Variants in SH3D19 observed in about 807,000 individuals in gnomAD.
SH3D19 encodes SH3 domain containing 19.
Under a neutral mutation model 112.1 loss-of-function variants are expected in SH3D19, and 58 were observed. That is an observed-to-expected ratio of 0.52 (90% CI 0.42 to 0.64). The LOEUF (loss-of-function observed/expected upper bound fraction) is 0.64, where lower values mean the gene tolerates loss of function less well. Among genes scored for constraint, SH3D19 ranks in the 30% least tolerant of loss-of-function variants. SH3D19 has a pLI of 0.00. For missense variants in SH3D19, 1,090 were observed against 1,263.4 expected (o/e 0.86, Z 2.08); for synonymous variants, 391 against 448.5 (o/e 0.87, Z 1.62).
intron 1 of SH3D19, among the ~76,000 whole-genome samples, chr4:151,296,032 C>G (rs1580436123): frequency 1.7e-5 from 1 of 57,484 alleles, no homozygotes; most frequent in East Asian, 3.6e-4. Context: ...AAGGCTCCGT[C>G]TCAAAAAAAA....
rs967140419 is a variant in SH3D19, at chr4:151,121,483, T to C, written c.*608A>G. 1.3e-5 allele frequency: 2 copies of C among 152,544 alleles called. No homozygotes were observed. The highest frequency in any genetic ancestry group is 4.8e-5 in the African/African-American group (2 of 41,448). The allele number at this position is 152,544 out of a possible 1,614,324, so 9.4% of individuals were successfully genotyped here. On this transcript the variant is annotated 3_prime_UTR_variant, in exon 20 of 20. Coordinates refer to ENST00000604030, the MANE Select transcript of SH3D19 (RefSeq NM_001378122.1). ...GACCCCCTTCAAATCCTTAGACAAA[T>C]GGGAATCACTTGGTAACATAAAGAT...
At chr4:151,255,270 C>A (rs368146317) in intron 1 of SH3D19, among the ~76,000 whole-genome samples, 4 of 143,032 alleles carry the variant, frequency 2.8e-5, no homozygotes, top group Admixed American at 2.1e-4. Context: ...ACTTCTCAGA[C>A]GGGGCGGTTG....
intron 17 of SH3D19, among the ~76,000 whole-genome samples, chr4:151,130,668 G>A (rs1449276027): frequency 1.3e-5 from 2 of 152,122 alleles, no homozygotes; most frequent in Non-Finnish European, 2.9e-5. Flanking sequence ...AAGGCCAGGC[G>A]CAGTGGCTCA....
chr4:151,150,931 G>A (rs1754941475), intron 9 of SH3D19, among the ~76,000 whole-genome samples: 1 of 151,072 alleles, frequency 6.6e-6, no homozygotes, highest in Admixed American at 6.6e-5. Context: ...TCTGTTTTTT[G>A]GAGGGGGAAA....
intron 2 of SH3D19, among the ~76,000 whole-genome samples, chr4:151,194,077 G>C (rs574048262): frequency 7.2e-6 from 1 of 139,290 alleles, no homozygotes; most frequent in Non-Finnish European, 1.5e-5. Context: ...CCAGGCTGGA[G>C]TGCAGTGGCA....
In SH3D19 at chr4:151,174,876, G is replaced by A. The variant is rs1419724335; in HGVS notation, c.1328C>T (p.Pro443Leu). 3 of 1,610,182 alleles carry A rather than the reference G, an allele frequency of 1.9e-6. No individual in the cohort carries two copies. Among genetic ancestry groups the A allele is most frequent in the Non-Finnish European group, 2.5e-6 (3 of 1,177,782 alleles). Residue 443 changes from proline to leucine, a missense_variant, in exon 7 of 20, where the codon CCT (proline) becomes CTT (leucine). Physicochemically the swap from Pro to Leu is moderately conservative, Grantham distance 98. Coordinates refer to ENST00000604030, the MANE Select transcript of SH3D19 (RefSeq NM_001378122.1). Reference protein sequence around the residue: ...NPTYPSAPLKPVTVPPRLAGA... With the variant: ...NPTYPSAPLKLVTVPPRLAGA... ...TGCGAGTCGGGGAGGAACAGTGACA[G>A]GTTTCAGTGGAGCTGAAGGGTAGGT...
chr4:151,231,769 T>C (rs935208248), intron 1 of SH3D19, among the ~76,000 whole-genome samples: 2 of 152,176 alleles, frequency 1.3e-5, no homozygotes, highest in African/African-American at 4.8e-5. Flanking sequence ...TACAGCACTA[T>C]CAATAGTGAC....
chr4:151,165,724 T>C, intron 7 of SH3D19, 28 bp from the exon 8 acceptor site: 1 of 1,592,822 alleles, frequency 6.3e-7, no homozygotes, highest in Middle Eastern at 1.7e-4. Flanking sequence ...TTATTTTGCA[T>C]GTTTTAGTTA....
chr4:151,226,066 G>C lies in SH3D19; in HGVS notation c.133C>G (p.Pro45Ala). Residue 45 changes from proline (P) to alanine (A), a missense_variant, in exon 2 of 20, where the codon CCA (proline) becomes GCA (alanine). By Grantham distance (27) the Pro-to-Ala change is conservative. Coordinates refer to ENST00000604030, the MANE Select transcript of SH3D19 (RefSeq NM_001378122.1). ...SAADRNERNK[P>A]EHRSSSQGPL... ...TCATACCTTGAAGAACGATGTTCTG[G>C]TTTATTTCGTTCGTTGCGATCTGTA... 3 of 1,231,542 alleles carry C rather than the reference G, an allele frequency of 2.4e-6. No individual in the cohort carries two copies. Among genetic ancestry groups the C allele is most frequent in the Non-Finnish European group, 3.0e-6 (3 of 987,518 alleles). 76.3% of individuals were successfully genotyped at this position (1,231,542 alleles called of 1,614,324 possible).
intron 9 of SH3D19, among the ~76,000 whole-genome samples, chr4:151,153,127 C>A (rs1755383150): frequency 6.6e-6 from 1 of 151,998 alleles, no homozygotes; most frequent in Non-Finnish European, 1.5e-5. Flanking sequence ...AACCACCATG[C>A]CCAGCTGCTA....
intron 7 of SH3D19, among the ~76,000 whole-genome samples, chr4:151,167,871 G>A (rs868299576): frequency 2.0e-5 from 3 of 150,612 alleles, no homozygotes; most frequent in Non-Finnish European, 3.0e-5. Flanking sequence ...AGTGAGGAGC[G>A]CCTCTTACCG....
intron 7 of SH3D19, 64 bp from the exon 8 acceptor site, chr4:151,165,760 T>C: frequency 7.2e-7 from 1 of 1,388,790 alleles, no homozygotes; most frequent in East Asian, 2.3e-5. Context: ...AAAAACCTCA[T>C]TCATAATTTA....
rs1386894214 is a variant in SH3D19, at chr4:151,133,002, A to G, written c.2689+32T>C. ...TTATTTGGTTTATTTGAATTAGGAC[A>G]TAACATAATAAAAAAAATTCTCTAT... On this transcript the variant is annotated intron_variant, in intron 16 of 19. Coordinates refer to ENST00000604030, the MANE Select transcript of SH3D19 (RefSeq NM_001378122.1). 4 of 1,552,990 alleles carry G rather than the reference A, an allele frequency of 2.6e-6. No homozygotes were observed. The East Asian group carries it at 9.1e-5, about 35-fold the overall frequency.
At position 151,183,211 on chromosome 4, in the gene SH3D19, C is replaced by T. The variant is rs180771830; in HGVS notation, c.194-3814G>A. On this transcript the variant is annotated intron_variant, in intron 3 of 19. Coordinates refer to ENST00000604030, the MANE Select transcript of SH3D19 (RefSeq NM_001378122.1). Reference sequence around the variant, plus strand: ...TTCACCATGTTGGTCAGGCTGGTGTCGAATTCCTGACCTCAGGTGATCCGC... The same window carrying T: ...TTCACCATGTTGGTCAGGCTGGTGTTGAATTCCTGACCTCAGGTGATCCGC... Among the ~76,000 whole-genome samples the T allele has an allele frequency of 2.3e-3, 347 of 152,068 alleles. 2 individuals carry two copies. The highest frequency in any genetic ancestry group is 2.5e-3 in the Non-Finnish European group (169 of 67,976).
chr4:151,197,400 G>A lies in SH3D19; in HGVS notation c.153-9937C>T, dbSNP rs186455175. Among the ~76,000 whole-genome samples, 11 of 152,270 alleles carry A rather than the reference G, an allele frequency of 7.2e-5. No individual in the cohort carries two copies. The East Asian group carries it at 1.2e-3, about 16-fold the overall frequency. ...AATTCGTCAGAAGGGATAGTTGCAC[G>A]GCATGGGTGTCTAATATCTACTGAT... On this transcript the variant is annotated intron_variant, in intron 2 of 19. Coordinates refer to ENST00000604030, the MANE Select transcript of SH3D19 (RefSeq NM_001378122.1).
chr4:151,272,974 G>A (rs1561419139), intron 1 of SH3D19, among the ~76,000 whole-genome samples: 1 of 151,960 alleles, frequency 6.6e-6, no homozygotes, highest in Non-Finnish European at 1.5e-5. Context: ...TTCTAATGCT[G>A]CTGGTCCAAC....
chr4:151,275,254 T>C (rs995404820), intron 1 of SH3D19, among the ~76,000 whole-genome samples: 12 of 151,752 alleles, frequency 7.9e-5, no homozygotes, highest in African/African-American at 2.7e-4. Context: ...ACCCGGCTAA[T>C]TTTTTGTATT....
intron 3 of SH3D19, among the ~76,000 whole-genome samples, chr4:151,181,189 A>G (rs976298637): frequency 1.2e-4 from 19 of 152,202 alleles, no homozygotes; most frequent in African/African-American, 4.6e-4. Flanking sequence ...AAACTATTTT[A>G]ACCAGTTGCT....
At chr4:151,264,942 G>A (rs2149991875) in intron 1 of SH3D19, among the ~76,000 whole-genome samples, 1 of 152,172 alleles carries the variant, frequency 6.6e-6, no homozygotes, top group East Asian at 1.9e-4. Context: ...AAATAAGGAA[G>A]GAGTTTTGGC....
Sources: gnomAD v4.1 joint callset for allele counts (sites outside exome capture counted in the v4.1 genomes callset) on GRCh38, gnomAD v4.1.1 for gene constraint, MANE v1.5 for transcripts, NCBI Gene and HGNC (gene_info 2026-07-23, HGNC 2026-07-21) for gene names.